ATG4D: variants seen among roughly 807,000 people sequenced by gnomAD.
ATG4D encodes the protein cysteine protease ATG4D.
In ATG4D, 51 loss-of-function variants were observed where a neutral mutation model predicts 55.2. That is an observed-to-expected ratio of 0.92 (90% CI 0.74 to 1.17). The LOEUF is 1.17. Among genes scored for constraint, ATG4D ranks in the 50% most tolerant of loss-of-function variants. The pLI, the probability that ATG4D is intolerant of heterozygous loss-of-function variation, is 0.00. For missense variants in ATG4D, 635 were observed against 649.6 expected, an observed-to-expected ratio of 0.98 and a Z score of 0.25; for synonymous variants, 268 against 266.2, an observed-to-expected ratio of 1.01 and a Z score of -0.07.
chr19:10,546,778 T>C, intron 3 of ATG4D, 61 bp from the exon 4 acceptor site: 1 of 1,500,750 alleles, frequency 6.7e-7, no homozygotes, highest in Non-Finnish European at 8.9e-7. Flanking sequence ...GGTGCATGTG[T>C]AGATGGGACC....
At chr19:10,550,355 G>T (rs1304012144) in intron 6 of ATG4D, among the ~76,000 whole-genome samples, 2 of 152,080 alleles carry the variant, frequency 1.3e-5, no homozygotes, top group African/African-American at 2.4e-5. Context: ...GCAGATGAGG[G>T]TAGCAGCAGA....
chr19:10,552,318 G>T lies in ATG4D; in HGVS notation c.1236G>T (p.Leu412=). 1 of 1,611,562 alleles carries T rather than the reference G, an allele frequency of 6.2e-7. No homozygotes were observed. The change falls in exon 9 of 10, where the codon CTG becomes CTT. Residue 412 remains leucine, a synonymous_variant. Coordinates refer to ENST00000309469, the MANE Select transcript of ATG4D (RefSeq NM_032885.6). ...RKEFETLCSE[L]TRVLSSSSAT... ...AGTTTGAGACACTCTGCTCAGAGCT[G>T]ACCAGGGTGAGCAAGAGGAAAGCTG...
chr19:10,543,969 C>T lies in ATG4D; in HGVS notation c.-122C>T, dbSNP rs1599513704. On this transcript the variant is annotated 5_prime_UTR_variant, in exon 1 of 10. Coordinates refer to ENST00000309469, the MANE Select transcript of ATG4D (RefSeq NM_032885.6). ...GCGGCGGCTGTTGCCTGGCCCGGTA[C>T]CCTGGGGACGGGGGCCGAGTAGCGC... The T allele has an allele frequency of 6.8e-6, 4 of 586,198 alleles. No individual in the cohort carries two copies. The highest frequency in any genetic ancestry group is 1.8e-4 in the South Asian group (2 of 10,970). 36.3% of individuals were successfully genotyped at this position (586,198 alleles called of 1,614,324 possible).
At chr19:10,552,171 C>T (rs748434288) in intron 8 of ATG4D, 34 bp from the exon 9 acceptor site, 1 of 1,610,226 alleles carries the variant, frequency 6.2e-7, no homozygotes, top group African/African-American at 1.3e-5. Context: ...GTGGGCAGCC[C>T]AGCCTCTGAG....
At chr19:10,551,054 A>G (rs1457095131) in intron 6 of ATG4D, 1 of 152,206 alleles carries the variant, frequency 6.6e-6, no homozygotes, top group East Asian at 1.9e-4. Context: ...AGTGAGAACC[A>G]GAAAACCTGA....
chr19:10,549,205 C>G (rs1016237473), intron 6 of ATG4D, among the ~76,000 whole-genome samples, 171 bp downstream of exon 6: 3 of 151,932 alleles, frequency 2.0e-5, no homozygotes, highest in South Asian at 2.1e-4. Context: ...CTCGCTGCAA[C>G]CTCCGCCTCC....
At chr19:10,549,747 A>G (rs1331269516) in intron 6 of ATG4D, among the ~76,000 whole-genome samples, 1 of 151,738 alleles carries the variant, frequency 6.6e-6, no homozygotes, top group Non-Finnish European at 1.5e-5. Flanking sequence ...ACTATGCAGC[A>G]CCTGCTATGT....
chr19:10,551,879 C>A lies in ATG4D; in HGVS notation c.967-18C>A. 1 of 1,613,430 alleles carries A rather than the reference C, an allele frequency of 6.2e-7. No homozygotes were observed. Among genetic ancestry groups the A allele is most frequent in the Non-Finnish European group, 8.5e-7 (1 of 1,179,744 alleles). On this transcript the variant is annotated intron_variant, in intron 6 of 9. Transcript: ENST00000309469. ...TGAGTGGCTGCCTGACAGCACCTGC[C>A]TACCCTCCTCCCTGCAGGAACTCCT...
At position 10,543,956 on chromosome 19, in the gene ATG4D, G is replaced by T. The variant is rs571613598; in HGVS notation, c.-135G>T. On this transcript the variant is annotated 5_prime_UTR_variant, in exon 1 of 10. Coordinates refer to ENST00000309469, the MANE Select transcript of ATG4D (RefSeq NM_032885.6). ...TGCGGTAGCAGCGGCGGCGGCTGTT[G>T]CCTGGCCCGGTACCCTGGGGACGGG... 5.1e-5 allele frequency: 26 copies of T among 508,100 alleles called. No individual in the cohort carries two copies. In the East Asian group the frequency reaches 6.7e-4, roughly 13 times the overall value. 31.5% of individuals were successfully genotyped at this position (508,100 alleles called of 1,614,324 possible). A position where few individuals can be genotyped will look rare whatever the true frequency, so the allele number is the denominator to read the frequency against.
intron 5 of ATG4D, among the ~76,000 whole-genome samples, chr19:10,547,817 C>T (rs1916089547): frequency 6.6e-6 from 1 of 150,856 alleles, no homozygotes. Context: ...CTGCCTCAGC[C>T]TCTCAAATAG....
In ATG4D at chr19:10,546,869, G is replaced by T. The variant is rs747044151; in HGVS notation, c.524G>T (p.Gly175Val). 1 of 1,602,972 alleles carries T rather than the reference G, an allele frequency of 6.2e-7. No homozygotes were observed. Among genetic ancestry groups the T allele is most frequent in the East Asian group, 2.2e-5 (1 of 44,656 alleles). The change falls in exon 4 of 10, where the codon GGC (glycine) becomes GTC (valine). Residue 175 changes from glycine to valine, a missense_variant. Physicochemically the swap from Gly to Val is moderately radical, Grantham distance 109. Transcript: ENST00000309469. ...ACATGGGCCGAGGGCATGGGCCTGG[G>T]CCCCCCTGAGCTGTCAGGGTCAGCC... is the stretch of plus-strand genomic sequence containing the variant. Reference protein sequence around the residue: ...DWTWAEGMGLGPPELSGSASP... With the variant: ...DWTWAEGMGLVPPELSGSASP...
intron 5 of ATG4D, among the ~76,000 whole-genome samples, chr19:10,547,564 G>C (rs1481254846): frequency 6.8e-6 from 1 of 147,236 alleles, no homozygotes; most frequent in Non-Finnish European, 1.5e-5. Context: ...GGAGTTCGAG[G>C]TTACAGTGAG....
intron 6 of ATG4D, among the ~76,000 whole-genome samples, chr19:10,550,870 C>G (rs1916200637): frequency 6.6e-6 from 1 of 152,030 alleles, no homozygotes; most frequent in East Asian, 1.9e-4. Context: ...CGCCACCACT[C>G]CTGGCTAATT....
chr19:10,551,758 G>C, intron 6 of ATG4D, 139 bp from the exon 7 acceptor site: 1 of 693,256 alleles, frequency 1.4e-6, no homozygotes. Flanking sequence ...CTCACACTAG[G>C]ATGTCAGCTC....
At chr19:10,547,361 A>C in intron 5 of ATG4D, 108 bp downstream of exon 5, 1 of 1,337,450 alleles carries the variant, frequency 7.5e-7, no homozygotes, top group Non-Finnish European at 1.0e-6. Context: ...GTTGTGGGGC[A>C]GAGGGACACT....
chr19:10,544,087 G>T lies in ATG4D; in HGVS notation c.-4G>T, dbSNP rs992796760. 1 of 1,237,972 alleles carries T rather than the reference G, an allele frequency of 8.1e-7. No individual in the cohort carries two copies. The highest frequency in any genetic ancestry group is 1.6e-5 in the African/African-American group (1 of 64,100). The allele number at this position is 1,237,972 out of a possible 1,614,324, so 76.7% of individuals were successfully genotyped here. On this transcript the variant is annotated 5_prime_UTR_variant, in exon 1 of 10. Transcript: ENST00000309469. ...GGCCCTCGGTCCGCCCTCCCGGCGC[G>T]TCCATGAACTCAGTGTCGCCGGCCG... is the stretch of plus-strand genomic sequence containing the variant.
chr19:10,544,089 C>G lies in ATG4D; in HGVS notation c.-2C>G. On this transcript the variant is annotated 5_prime_UTR_variant, in exon 1 of 10. Coordinates refer to ENST00000309469, the MANE Select transcript of ATG4D (RefSeq NM_032885.6). ...CCCTCGGTCCGCCCTCCCGGCGCGT[C>G]CATGAACTCAGTGTCGCCGGCCGCC... 2.4e-6 allele frequency: 3 copies of G among 1,238,890 alleles called. No homozygotes were observed. The highest frequency in any genetic ancestry group is 3.0e-6 in the Non-Finnish European group (3 of 985,138). The allele number at this position is 1,238,890 out of a possible 1,614,324, so 76.7% of individuals were successfully genotyped here.
rs200930873 is a variant in ATG4D at position 10,544,942 on chromosome 19, G to A, written c.320-15G>A. ...GGAGTGTCCCTGGTGGCAGCTGACA[G>A]ACCCGCTCTTGTAGGTGACATACAG... On this transcript the variant is annotated splice_polypyrimidine_tract_variant and intron_variant, in intron 2 of 9. Transcript: ENST00000309469. 5.1e-6 allele frequency: 8 copies of A among 1,582,742 alleles called. No individual in the cohort carries two copies. In the East Asian group the frequency reaches 1.8e-4, roughly 36 times the overall value.
At chr19:10,547,731 C>G (rs1365253456) in intron 5 of ATG4D, among the ~76,000 whole-genome samples, 2 of 150,354 alleles carry the variant, frequency 1.3e-5, no homozygotes, top group African/African-American at 4.9e-5. Context: ...TCAGGTCACT[C>G]TGTCACCCAG....
Sources: gnomAD v4.1 joint callset for allele counts (sites outside exome capture counted in the v4.1 genomes callset) on GRCh38, gnomAD v4.1.1 for gene constraint, MANE v1.5 for transcripts, NCBI Gene and HGNC (gene_info 2026-07-23, HGNC 2026-07-21) for gene names.